Variants in ANKRD30BL observed in about 807,000 individuals in gnomAD.
The protein encoded by ANKRD30BL is putative ankyrin repeat domain-containing protein 30B-like.
In ANKRD30BL, 20 loss-of-function variants were observed where a neutral mutation model predicts 18.4. The ratio of observed to expected loss-of-function variants is 1.09; its 90% CI spans 0.77 to 1.58. The LOEUF is 1.58. Among genes scored for constraint, ANKRD30BL ranks in the 40% most tolerant of loss-of-function variants. The pLI, the probability that ANKRD30BL is intolerant of heterozygous loss-of-function variation, is 0.00. For synonymous variants in ANKRD30BL, 72 were observed against 100.9 expected (o/e 0.71, Z 1.72); for missense variants, 224 against 268.6 (o/e 0.83, Z 1.16).
At chr2:132,222,472 T>C (rs1679718442) in intron 1 of ANKRD30BL, among the ~76,000 whole-genome samples, 1 of 152,092 alleles carries the variant, frequency 6.6e-6, no homozygotes, top group South Asian at 2.1e-4. Flanking sequence ...TGGGAGACTT[T>C]TCATTTTGTT....
intron 1 of ANKRD30BL, among the ~76,000 whole-genome samples, chr2:132,232,497 G>A (rs1313693591): frequency 1.3e-5 from 2 of 152,156 alleles, no homozygotes; most frequent in East Asian, 1.9e-4. Context: ...TAAAGGAGCT[G>A]ATGGAGCTGA....
chr2:132,177,427 C>T (rs192077222), intron 1 of ANKRD30BL, among the ~76,000 whole-genome samples: 16 of 152,302 alleles, frequency 1.1e-4, no homozygotes, highest in Admixed American at 7.8e-4. Context: ...GCTGAGATTA[C>T]AGGCCTGAGC....
At position 132,175,604 on chromosome 2, in the gene ANKRD30BL, T is replaced by C. The variant is rs80231602; in HGVS notation, n.442-18458A>G. 0.015 allele frequency among the ~76,000 whole-genome samples: 2,273 copies of C among 152,330 alleles called. 263 individuals carry two copies. In the East Asian group the frequency reaches 0.28, roughly 19 times the overall value. On this transcript the variant is annotated intron_variant and non_coding_transcript_variant, in intron 1 of 4. Transcript: ENST00000470729. ...CCTCAGCACAGACCCTTTACGGGTG[T>C]TGGGCTTGGGGATGGTCAGGTCTTT...
rs995703347 is a variant in ANKRD30BL, at chr2:132,220,508, C to T, written n.441+37021G>A. ...CCTGCCGAGTGCCTGTGATTGCAGG[C>T]GCGCGTCGCCACGCCTGACTGGTTT... is the stretch of plus-strand genomic sequence containing the variant. On this transcript the variant is annotated intron_variant and non_coding_transcript_variant, in intron 1 of 4. Transcript: ENST00000470729. Among the ~76,000 whole-genome samples the T allele has an allele frequency of 4.7e-4, 72 of 152,134 alleles. 1 individual carries two copies. The highest frequency in any genetic ancestry group is 4.8e-4 in the African/African-American group (20 of 41,528).
intron 1 of ANKRD30BL, among the ~76,000 whole-genome samples, chr2:132,236,238 A>G (rs1325961541): frequency 6.6e-6 from 1 of 151,658 alleles, no homozygotes. Flanking sequence ...TAAAAACCCT[A>G]GAAGAAAACA....
intron 1 of ANKRD30BL, among the ~76,000 whole-genome samples, chr2:132,254,191 C>T (rs1456977425): frequency 2.0e-5 from 3 of 152,136 alleles, no homozygotes; most frequent in African/African-American, 7.2e-5. Flanking sequence ...TCTCTTTCTA[C>T]CCCCTCTCTC....
In ANKRD30BL at chr2:132,161,567, A is replaced by G. The variant is rs550812005; in HGVS notation, c.139T>C (p.Ser47Pro). 1.0e-5 allele frequency: 15 copies of G among 1,456,682 alleles called. No individual in the cohort carries two copies. In the African/African-American group the frequency reaches 1.7e-4, roughly 16 times the overall value. The allele number at this position is 1,456,682 out of a possible 1,614,324, so 90.2% of individuals were successfully genotyped here. Residue 47 changes from serine (S) to proline (P), a missense_variant, in exon 1 of 6, where the codon TCC becomes CCC. Transcript: ENST00000409867. ...TCCAGCTTCCAGGCTTGGCCCCGGGAGGCAGCTTTGTGGATCTTCCTGAGA... is the reference window on the plus strand; with the variant it reads ...TCCAGCTTCCAGGCTTGGCCCCGGGGGGCAGCTTTGTGGATCTTCCTGAGA... ...GDLRKIHKAA[S>P]RGQAWKLERM...
At chr2:132,233,015 A>G (rs1680064155) in intron 1 of ANKRD30BL, among the ~76,000 whole-genome samples, 1 of 152,134 alleles carries the variant, frequency 6.6e-6, no homozygotes, top group Non-Finnish European at 1.5e-5. Flanking sequence ...GCCAGAAGAG[A>G]GTGGGGGCCG....
chr2:132,170,345 C>T (rs1367066941), intron 1 of ANKRD30BL, among the ~76,000 whole-genome samples: 1 of 152,142 alleles, frequency 6.6e-6, no homozygotes, highest in Non-Finnish European at 1.5e-5. Context: ...CAGAGACTGT[C>T]AGTAAAGTGA....
intron 1 of ANKRD30BL, among the ~76,000 whole-genome samples, chr2:132,228,958 A>G (rs1211150301): frequency 2.6e-5 from 4 of 152,010 alleles, no homozygotes; most frequent in Admixed American, 6.6e-5. Context: ...AAAAATAGAT[A>G]GAAGCATTTT....
chr2:132,178,422 C>T (rs1275639412), intron 1 of ANKRD30BL, among the ~76,000 whole-genome samples: 1 of 152,040 alleles, frequency 6.6e-6, no homozygotes, highest in African/African-American at 2.4e-5. Context: ...TCCAGGTGGC[C>T]AGATGATTTG....
intron 1 of ANKRD30BL, among the ~76,000 whole-genome samples, chr2:132,170,600 C>T (rs1178482478): frequency 1.3e-5 from 2 of 152,184 alleles, no homozygotes; most frequent in East Asian, 1.9e-4. Flanking sequence ...CAAGGTCATA[C>T]ATGTGTTTAT....
rs1687640377 is a variant in ANKRD30BL at position 132,147,702 on chromosome 2, A to G, written c.*429T>C. 1 of 159,340 alleles carries G rather than the reference A, an allele frequency of 6.3e-6. No individual in the cohort carries two copies. Among genetic ancestry groups the G allele is most frequent in the Admixed American group, 6.1e-5 (1 of 16,434 alleles). 9.9% of individuals were successfully genotyped at this position (159,340 alleles called of 1,614,324 possible). On this transcript the variant is annotated 3_prime_UTR_variant, in exon 6 of 6. Transcript: ENST00000409867. ...AAGTGTTCTTATTTCTAACGCAGCTAGTCCCTACTGTTGTGTCTTTTCCCT... is the reference window on the plus strand; with the variant it reads ...AAGTGTTCTTATTTCTAACGCAGCTGGTCCCTACTGTTGTGTCTTTTCCCT...
intron 1 of ANKRD30BL, among the ~76,000 whole-genome samples, chr2:132,241,258 A>C (rs904212155): frequency 1.3e-5 from 2 of 151,736 alleles, no homozygotes; most frequent in Non-Finnish European, 2.9e-5. Flanking sequence ...TTTTCTTTTG[A>C]TAGAGCAGTT....
chr2:132,161,906 C>T lies in ANKRD30BL; in HGVS notation c.-201G>A, dbSNP rs1229545317. The T allele has an allele frequency of 3.5e-6, 2 of 575,528 alleles. No individual in the cohort carries two copies. Among genetic ancestry groups the T allele is most frequent in the Non-Finnish European group, 6.2e-6 (2 of 320,218 alleles). The allele number at this position is 575,528 out of a possible 1,614,324, so 35.7% of individuals were successfully genotyped here. On this transcript the variant is annotated 5_prime_UTR_variant, in exon 1 of 6. Transcript: ENST00000409867. ...AAACCGTTAGGCAGCTGAGCAGAAC[C>T]GTTAGGCACCTGAGCAGAACCTTTA... is the stretch of plus-strand genomic sequence containing the variant.
intron 1 of ANKRD30BL, among the ~76,000 whole-genome samples, chr2:132,168,305 G>T (rs934578232): frequency 9.9e-5 from 15 of 152,020 alleles, no homozygotes; most frequent in Admixed American, 9.8e-4. Flanking sequence ...TAACTGAATT[G>T]TTTGCTTTCT....
intron 1 of ANKRD30BL, among the ~76,000 whole-genome samples, chr2:132,196,448 G>GAA (rs201383308): frequency 3.3e-5 from 5 of 150,226 alleles, no homozygotes; most frequent in African/African-American, 1.2e-4. Context: ...AGACTCTGGG[G>GAA]GAAAAAAAAA....
intron 1 of ANKRD30BL, among the ~76,000 whole-genome samples, chr2:132,252,745 C>G (rs1014883410): frequency 1.3e-5 from 2 of 152,034 alleles, no homozygotes; most frequent in Non-Finnish European, 2.9e-5. Flanking sequence ...GCCCCCACCA[C>G]CGACGACGTG....
intron 1 of ANKRD30BL, among the ~76,000 whole-genome samples, chr2:132,245,973 A>G (rs984607047): frequency 6.6e-6 from 1 of 151,922 alleles, no homozygotes; most frequent in Non-Finnish European, 1.5e-5. Context: ...GCAAAACTAG[A>G]CAGAAGCATT....
Sources: allele counts gnomAD v4.1 joint callset (sites outside exome capture counted in the v4.1 genomes callset), GRCh38; gene constraint gnomAD v4.1.1; transcripts MANE v1.5; gene names NCBI Gene and HGNC (gene_info 2026-07-23, HGNC 2026-07-21).